WDPCP: variants seen among roughly 807,000 people sequenced by gnomAD.
WDPCP encodes the protein WD repeat containing planar cell polarity effector.
In WDPCP, 71 loss-of-function variants were observed where a neutral mutation model predicts 93.1. That is an observed-to-expected ratio of 0.76 (90% confidence interval 0.63 to 0.93). WDPCP has a LOEUF of 0.93. Among genes scored for constraint, WDPCP ranks in the 40% least tolerant of loss-of-function variants. The pLI is 0.00. For synonymous variants in WDPCP, 315 were observed against 315.0 expected (o/e 1.00, Z 0.00); for missense variants, 844 against 887.4 (o/e 0.95, Z 0.62).
intron 14 of WDPCP, among the ~76,000 whole-genome samples, chr2:63,258,494 A>G (rs2104766159): frequency 6.6e-6 from 1 of 152,294 alleles, no homozygotes; most frequent in East Asian, 1.9e-4. Context: ...AACAAAGCAC[A>G]AGATCTGTCA....
At chr2:63,681,955 G>T (rs1167369875) in intron 2 of WDPCP, among the ~76,000 whole-genome samples, 2 of 152,058 alleles carry the variant, frequency 1.3e-5, no homozygotes, top group African/African-American at 2.4e-5. Flanking sequence ...ATTTCCACAA[G>T]TCTGCATGAA....
rs150757962 is a variant in WDPCP, at chr2:63,802,629, G to T, written n.308+10993C>A. Among the ~76,000 whole-genome samples the T allele has an allele frequency of 3.8e-3, 575 of 152,012 alleles. 3 individuals are homozygous for T. Among genetic ancestry groups the T allele is most frequent in the African/African-American group, 0.013 (541 of 41,420 alleles). Reference sequence around the variant, plus strand: ...CCTACAGATGATGATTTTTTTAATTGCATAGAATTCACAACATCTCACCTA... The same window carrying T: ...CCTACAGATGATGATTTTTTTAATTTCATAGAATTCACAACATCTCACCTA... On this transcript the variant is annotated intron_variant and non_coding_transcript_variant, in intron 2 of 4. Transcript: ENST00000467687.
At chr2:63,291,541 G>A (rs1394437572) in intron 13 of WDPCP, among the ~76,000 whole-genome samples, 2 of 152,196 alleles carry the variant, frequency 1.3e-5, no homozygotes, top group East Asian at 1.9e-4. Context: ...GGGCATGGTC[G>A]TTCACATCTG....
intron 14 of WDPCP, chr2:63,229,467 G>C (rs1057377434): frequency 2.6e-5 from 4 of 151,862 alleles, no homozygotes; most frequent in African/African-American, 9.6e-5. Context: ...TTTGGCTTTT[G>C]TTGCCATTGC....
At chr2:63,483,960 T>TGTCCAATA (rs1377234228) in intron 6 of WDPCP, among the ~76,000 whole-genome samples, 1 of 151,970 alleles carries the variant, frequency 6.6e-6, no homozygotes, top group African/African-American at 2.4e-5. Context: ...TTAACACTAT[T>TGTCCAATA]GTCCAATAGA....
At chr2:63,255,099 C>G (rs1365660225) in intron 14 of WDPCP, among the ~76,000 whole-genome samples, 1 of 152,064 alleles carries the variant, frequency 6.6e-6, no homozygotes, top group Non-Finnish European at 1.5e-5. Context: ...GATAGAAACT[C>G]TTAGCAAACT....
chr2:63,615,300 C>G (rs1254548022), intron 3 of WDPCP, among the ~76,000 whole-genome samples: 2 of 152,198 alleles, frequency 1.3e-5, no homozygotes, highest in South Asian at 4.1e-4. Flanking sequence ...TTACGACATA[C>G]TCATGGGGAG....
chr2:63,490,104 TAA>T (rs60420871), intron 2 of WDPCP, among the ~76,000 whole-genome samples: 26 of 125,950 alleles, frequency 2.1e-4, no homozygotes, highest in Non-Finnish European at 1.9e-4. Context: ...CATGAAAATG[TAA>T]AAAAAAAAAA....
chr2:63,478,549 T>C (rs1700093201), intron 6 of WDPCP, among the ~76,000 whole-genome samples: 1 of 152,058 alleles, frequency 6.6e-6, no homozygotes. Flanking sequence ...TGCAAATACA[T>C]GGAAATTAAA....
At chr2:63,735,245 A>G (rs1669622197) in intron 2 of WDPCP, among the ~76,000 whole-genome samples, 1 of 152,218 alleles carries the variant, frequency 6.6e-6, no homozygotes, top group South Asian at 2.1e-4. Flanking sequence ...GAAAAATTAT[A>G]GGTCCCTTGC....
intron 2 of WDPCP, among the ~76,000 whole-genome samples, chr2:63,697,111 TGTA>T (rs2103690316): frequency 6.7e-6 from 1 of 149,758 alleles, no homozygotes; most frequent in South Asian, 2.1e-4. Context: ...TAGAAGAAAA[TGTA>T]GTAGTAGTTA....
intron 17 of WDPCP, among the ~76,000 whole-genome samples, chr2:63,143,914 G>C (rs975838394): frequency 2.0e-5 from 3 of 152,126 alleles, no homozygotes; most frequent in African/African-American, 7.2e-5. Flanking sequence ...ATGACTATGT[G>C]CCTAGGCGAA....
intron 14 of WDPCP, among the ~76,000 whole-genome samples, chr2:63,257,070 T>G (rs1681211728): frequency 6.6e-6 from 1 of 152,176 alleles, no homozygotes; most frequent in Admixed American, 6.6e-5. Context: ...CATGTTAGAC[T>G]TCAATAAAAA....
intron 15 of WDPCP, among the ~76,000 whole-genome samples, chr2:63,156,400 A>T (rs1672251733): frequency 6.6e-6 from 1 of 152,154 alleles, no homozygotes; most frequent in South Asian, 2.1e-4. Context: ...ACTGTAATTT[A>T]AAAAGCTTTT....
intron 5 of WDPCP, 117 bp from the exon 6 acceptor site, chr2:63,484,780 G>T: frequency 6.7e-7 from 1 of 1,499,592 alleles, no homozygotes; most frequent in Non-Finnish European, 9.2e-7. Context: ...AGATCCAACT[G>T]TTTTGGAACT....
chr2:63,717,235 G>C, intron 2 of WDPCP: 1 of 522,264 alleles, frequency 1.9e-6, no homozygotes, highest in South Asian at 1.5e-5. Context: ...AGACATATTG[G>C]CTGACCTGAT....
chr2:63,465,169 G>T (rs900657618), intron 6 of WDPCP, among the ~76,000 whole-genome samples: 6 of 151,824 alleles, frequency 4.0e-5, no homozygotes, highest in African/African-American at 1.5e-4. Flanking sequence ...TTAAAAAGCA[G>T]GTACCTGTGC....
intron 2 of WDPCP, among the ~76,000 whole-genome samples, chr2:63,710,148 A>G (rs1211494311): frequency 6.6e-6 from 1 of 152,172 alleles, no homozygotes; most frequent in Non-Finnish European, 1.5e-5. Flanking sequence ...GACCACATCA[A>G]CAAGCACCTT....
At chr2:63,340,562 A>G (rs1688765098) in intron 12 of WDPCP, among the ~76,000 whole-genome samples, 2 of 152,192 alleles carry the variant, frequency 1.3e-5, no homozygotes, top group Admixed American at 1.3e-4. Context: ...ATATAGTGTG[A>G]CTGCTGGTTG....
Sources: gnomAD v4.1 joint callset for allele counts (sites outside exome capture counted in the v4.1 genomes callset) on GRCh38, gnomAD v4.1.1 for gene constraint, MANE v1.5 for transcripts, NCBI Gene and HGNC (gene_info 2026-07-23, HGNC 2026-07-21) for gene names.